Variants in CSGALNACT1 observed in about 807,000 individuals in gnomAD.
CSGALNACT1 encodes the protein beta4GalNAcT-1.
Under a neutral mutation model 51.0 loss-of-function variants are expected in CSGALNACT1, and 52 were observed. The ratio of observed to expected loss-of-function variants is 1.02; its 90% CI spans 0.82 to 1.29. The LOEUF (loss-of-function observed/expected upper bound fraction) is 1.29, where lower values mean the gene tolerates loss of function less well. Among genes scored for constraint, CSGALNACT1 ranks in the 50% most tolerant of loss-of-function variants. The pLI is 0.00. For synonymous variants in CSGALNACT1, 341 were observed against 254.4 expected, an observed-to-expected ratio of 1.34 and a Z score of -3.24; for missense variants, 935 against 679.2, an observed-to-expected ratio of 1.38 and a Z score of -4.19.
At chr8:19,420,764 GT>G (rs2057797531) in intron 6 of CSGALNACT1, among the ~76,000 whole-genome samples, 1 of 152,062 alleles carries the variant, frequency 6.6e-6, no homozygotes, top group African/African-American at 2.4e-5. Flanking sequence ...CAGTTTCCCC[GT>G]ATTGAAAACA....
chr8:19,523,582 T>C (rs1298770367), intron 3 of CSGALNACT1, among the ~76,000 whole-genome samples: 1 of 152,168 alleles, frequency 6.6e-6, no homozygotes, highest in Non-Finnish European at 1.5e-5. Context: ...CATGGTACTA[T>C]TCACACCCAG....
At chr8:19,468,469 G>T (rs1363019778) in intron 4 of CSGALNACT1, among the ~76,000 whole-genome samples, 1 of 152,164 alleles carries the variant, frequency 6.6e-6, no homozygotes. Context: ...AGCCGGGTCA[G>T]CGTTTTAGCA....
intron 1 of CSGALNACT1, among the ~76,000 whole-genome samples, chr8:19,660,826 C>T (rs1353424744): frequency 6.6e-6 from 1 of 152,182 alleles, no homozygotes; most frequent in Non-Finnish European, 1.5e-5. Flanking sequence ...CACAGGAAAA[C>T]ACAAGGTTCT....
At chr8:19,645,143 T>A (rs78767820) in intron 1 of CSGALNACT1, among the ~76,000 whole-genome samples, 26 of 152,354 alleles carry the variant, frequency 1.7e-4, no homozygotes, top group Non-Finnish European at 3.7e-4. Context: ...AGGCCTGCTC[T>A]CACCAAGGCA....
At chr8:19,681,316 G>A (rs142674945) in intron 1 of CSGALNACT1, among the ~76,000 whole-genome samples, 2 of 152,252 alleles carry the variant, frequency 1.3e-5, no homozygotes, top group East Asian at 3.9e-4. Context: ...AGAGGTTGAG[G>A]CAAAGAATGA....
At chr8:19,667,040 G>GAAGGAAGGAAGAAAGAAAGA (rs1564386938) in intron 1 of CSGALNACT1, among the ~76,000 whole-genome samples, 1 of 34,970 alleles carries the variant, frequency 2.9e-5, no homozygotes, top group African/African-American at 1.5e-4. Flanking sequence ...AGGAAGGAAG[G>GAAGGAAGGAAGAAAGAAAGA]AAGAAAGAAA....
chr8:19,591,556 C>G (rs144576781), intron 2 of CSGALNACT1, among the ~76,000 whole-genome samples: 1 of 152,270 alleles, frequency 6.6e-6, no homozygotes, highest in African/African-American at 2.4e-5. Context: ...CAAGCCAAAC[C>G]ATCTTAATTG....
At chr8:19,747,011 T>C (rs954788859) in intron 1 of CSGALNACT1, among the ~76,000 whole-genome samples, 13 of 152,126 alleles carry the variant, frequency 8.5e-5, no homozygotes, top group Non-Finnish European at 2.9e-5. Context: ...CTTTAGTGGG[T>C]GGCCAGCTCC....
chr8:19,666,809 A>G (rs367786295), intron 1 of CSGALNACT1, among the ~76,000 whole-genome samples: 1,412 of 24,764 alleles, frequency 0.057, 58 homozygotes, highest in East Asian at 0.17. Context: ...GAAAGAAAGA[A>G]AGAGAGAGAG....
chr8:19,629,571 T>C (rs2054928442), intron 1 of CSGALNACT1, among the ~76,000 whole-genome samples: 1 of 152,236 alleles, frequency 6.6e-6, no homozygotes, highest in Non-Finnish European at 1.5e-5. Flanking sequence ...TCAGATTATT[T>C]CCATTATGTT....
intron 1 of CSGALNACT1, among the ~76,000 whole-genome samples, chr8:19,608,012 T>C (rs1035909052): frequency 3.3e-5 from 5 of 152,216 alleles, no homozygotes; most frequent in African/African-American, 9.6e-5. Context: ...AGTTGTAGAC[T>C]TCCAGAGTAT....
Position 19,458,633 on chromosome 8 carries a change from CG to C in CSGALNACT1, c.643del (p.Arg215GlufsTer35), listed in dbSNP as rs1563509467. The C allele has an allele frequency of 6.2e-7, 1 of 1,613,966 alleles. No individual in the cohort carries two copies. The highest frequency in any genetic ancestry group is 8.5e-7 in the Non-Finnish European group (1 of 1,179,952). On this transcript the variant is annotated frameshift_variant, in exon 5 of 10. Coordinates refer to ENST00000454498, the Ensembl canonical transcript of CSGALNACT1. LOFTEE classifies it high-confidence loss of function. ...CAATGTCCCTTTGTCCCTTTCTGTTCGGTAGATCCCTGTTAAGAGAAAAACA... is the reference window on the plus strand; with the variant it reads ...CAATGTCCCTTTGTCCCTTTCTGTTCGTAGATCCCTGTTAAGAGAAAAACA...
At chr8:19,647,358 A>T (rs1490686981) in intron 1 of CSGALNACT1, among the ~76,000 whole-genome samples, 6 of 152,318 alleles carry the variant, frequency 3.9e-5, no homozygotes, top group African/African-American at 1.4e-4. Context: ...TCAAGGATGT[A>T]TTGAGTTGGA....
intron 5 of CSGALNACT1, among the ~76,000 whole-genome samples, chr8:19,442,636 G>C (rs561053273): frequency 6.6e-6 from 1 of 151,252 alleles, no homozygotes; most frequent in Non-Finnish European, 1.5e-5. Context: ...GAGTTAGTGG[G>C]TGCAGCACAC....
At chr8:19,405,367 C>A (rs1289540366) in exon 10 of CSGALNACT1, 2 of 456,462 alleles carry the variant, frequency 4.4e-6, no homozygotes, top group East Asian at 1.4e-4. Context: ...GAAACTAGAG[C>A]CCTGCTGATA....
chr8:19,446,351 T>C lies in CSGALNACT1; in HGVS notation c.852-6420A>G, dbSNP rs376862117. Among the ~76,000 whole-genome samples the C allele has an allele frequency of 9.2e-5, 14 of 152,220 alleles. No individual in the cohort carries two copies. In the South Asian group the frequency reaches 2.1e-3, roughly 23 times the overall value. On this transcript the variant is annotated intron_variant, in intron 5 of 9. Coordinates refer to ENST00000454498, the Ensembl canonical transcript of CSGALNACT1. ...CTTCTCTATAAACACCTTGGTAAAATTGTCTACGAAGCCTTTGCCATGAAT... is the reference window on the plus strand; with the variant it reads ...CTTCTCTATAAACACCTTGGTAAAACTGTCTACGAAGCCTTTGCCATGAAT...
intron 1 of CSGALNACT1, among the ~76,000 whole-genome samples, chr8:19,710,727 G>C (rs530167562): frequency 6.6e-6 from 1 of 152,222 alleles, no homozygotes; most frequent in African/African-American, 2.4e-5. Flanking sequence ...AAATTGAGTA[G>C]AAACCCTATA....
intron 1 of CSGALNACT1, among the ~76,000 whole-genome samples, chr8:19,649,819 CAAAA>C (rs57549612): frequency 0.025 from 740 of 29,402 alleles, 9 homozygotes; most frequent in African/African-American, 0.081. Context: ...TTCCAAGTAG[CAAAA>C]AAAAAAAAAA....
intron 3 of CSGALNACT1, among the ~76,000 whole-genome samples, chr8:19,509,499 G>A (rs974660644): frequency 3.3e-5 from 5 of 151,862 alleles, no homozygotes; most frequent in Non-Finnish European, 5.9e-5. Flanking sequence ...CGTGCAGCCT[G>A]TAATCCTAGC....
Sources: allele counts gnomAD v4.1 joint callset (sites outside exome capture counted in the v4.1 genomes callset), GRCh38; gene constraint gnomAD v4.1.1; transcripts MANE v1.5; gene names NCBI Gene and HGNC (gene_info 2026-07-23, HGNC 2026-07-21).